The following BFSP1 variants were observed in gnomAD, a reference collection of about 807,000 sequenced individuals.
BFSP1 encodes beaded filament structural protein 1.
A neutral mutation model predicts 43.9 loss-of-function variants in BFSP1; 38 were observed. The ratio of observed to expected loss-of-function variants is 0.87; its 90% CI spans 0.67 to 1.14. The LOEUF (loss-of-function observed/expected upper bound fraction) is 1.14. BFSP1 is among the 50% of genes most tolerant of loss of function. BFSP1 has a pLI of 0.00. For missense variants in BFSP1, 850 were observed against 875.1 expected (o/e 0.97, Z 0.36); for synonymous variants, 352 against 354.8 (o/e 0.99, Z 0.09).
At chr20:17,566,049 C>T (rs547371374) in intron 1 of BFSP1, among the ~76,000 whole-genome samples, 276 of 134,074 alleles carry the variant, frequency 2.1e-3, no homozygotes, top group African/African-American at 7.1e-3. Flanking sequence ...ACTCAGGAGG[C>T]GGAGGTTGCA....
At chr20:17,496,747 C>T (rs1252243844) in intron 7 of BFSP1, among the ~76,000 whole-genome samples, 191 bp downstream of exon 7, 1 of 152,180 alleles carries the variant, frequency 6.6e-6, no homozygotes, top group Non-Finnish European at 1.5e-5. Flanking sequence ...GATTTTTCTC[C>T]TTATAAACTT....
At chr20:17,509,522 T>C (rs1044794020) in intron 4 of BFSP1, among the ~76,000 whole-genome samples, 3 of 152,178 alleles carry the variant, frequency 2.0e-5, no homozygotes, top group Admixed American at 1.3e-4. Flanking sequence ...GAGTGTGACA[T>C]GCCGGGACCA....
rs189653953 is a variant in BFSP1 at position 17,546,694 on chromosome 20, A to G, written c.2+11994T>C. On this transcript the variant is annotated intron_variant, in intron 1 of 7. Coordinates refer to the BFSP1 transcript ENST00000377868. ...ATTCCAGCCTGGGCAACAGAGTGAG[A>G]CTCCATTTAAAAAACAAAAAAAACA... is the stretch of plus-strand genomic sequence containing the variant. Among the ~76,000 whole-genome samples, 570 of 151,372 alleles carry G rather than the reference A, an allele frequency of 3.8e-3. 1 individual carries two copies. The highest frequency in any genetic ancestry group is 0.013 in the African/African-American group (537 of 41,190).
Position 17,495,805 on chromosome 20 carries a change from T to C in BFSP1, c.1043-776A>G, listed in dbSNP as rs2033617869. Among the ~76,000 whole-genome samples, 3 of 152,198 alleles carry C rather than the reference T, an allele frequency of 2.0e-5. No individual in the cohort carries two copies. In the South Asian group the frequency reaches 6.2e-4, roughly 31 times the overall value. On this transcript the variant is annotated intron_variant, in intron 7 of 7. Coordinates refer to ENST00000377873, the MANE Select transcript of BFSP1 (RefSeq NM_001195.5). ...CACCCACATAGTGAATTTTGAACTTTTTCAGCCCAAAAGTCATCCCCTGCA... is the reference window on the plus strand; with the variant it reads ...CACCCACATAGTGAATTTTGAACTTCTTCAGCCCAAAAGTCATCCCCTGCA...
intron 2 of BFSP1, among the ~76,000 whole-genome samples, chr20:17,520,079 G>C (rs1336893990): frequency 6.6e-6 from 1 of 152,184 alleles, no homozygotes; most frequent in East Asian, 1.9e-4. Flanking sequence ...ATCTAGACCA[G>C]TGGTCCTCAA....
At chr20:17,549,362 G>A (rs1452381162) in intron 1 of BFSP1, among the ~76,000 whole-genome samples, 1 of 152,204 alleles carries the variant, frequency 6.6e-6, no homozygotes, top group Non-Finnish European at 1.5e-5. Context: ...AGCATGGCAG[G>A]TTCTGCTTCT....
chr20:17,566,027 A>G (rs2035114619), intron 1 of BFSP1, among the ~76,000 whole-genome samples: 1 of 151,414 alleles, frequency 6.6e-6, no homozygotes, highest in African/African-American at 2.4e-5. Flanking sequence ...CTGAGGCAAG[A>G]TAATCGCTTG....
intron 6 of BFSP1, among the ~76,000 whole-genome samples, chr20:17,497,441 CGTGTAT>C (rs1568678960): frequency 5.7e-5 from 4 of 70,216 alleles, no homozygotes; most frequent in Admixed American, 1.6e-4. Context: ...TGTATATATA[CGTGTAT>C]GTATATATAT....
At chr20:17,558,994 G>T, upstream of BFSP1, 1 of 313,320 alleles carries the variant, frequency 3.2e-6, no homozygotes. Flanking sequence ...GACTGGGCCT[G>T]AATTTAGTGA....
intron 1 of BFSP1, among the ~76,000 whole-genome samples, chr20:17,527,544 G>A (rs758359921): frequency 1.1e-4 from 17 of 152,212 alleles, no homozygotes; most frequent in East Asian, 7.7e-4. Flanking sequence ...TGGCTAACAC[G>A]GTGAAACCCT....
chr20:17,558,553 T>G (rs1399894611), intron 1 of BFSP1: 2 of 924,156 alleles, frequency 2.2e-6, no homozygotes, highest in Non-Finnish European at 3.2e-6. Flanking sequence ...TTTAGAAATT[T>G]CCATGAGTCA....
At chr20:17,524,821 G>C (rs368252118) in intron 2 of BFSP1, 27 bp downstream of exon 2, 2 of 1,610,186 alleles carry the variant, frequency 1.2e-6, no homozygotes, top group South Asian at 2.2e-5. Flanking sequence ...ATTAAGCTAC[G>C]TAAACCCAAG....
upstream of BFSP1, among the ~76,000 whole-genome samples, chr20:17,562,782 C>T (rs1224965503): frequency 3.3e-5 from 5 of 152,160 alleles, no homozygotes; most frequent in Non-Finnish European, 7.4e-5. Flanking sequence ...GGTACTGTAT[C>T]CTTCCCACAA....
At chr20:17,504,276 A>G (rs1431534088) in intron 5 of BFSP1, among the ~76,000 whole-genome samples, 1 of 152,194 alleles carries the variant, frequency 6.6e-6, no homozygotes, top group Non-Finnish European at 1.5e-5. Flanking sequence ...GGTTTATAAA[A>G]GTGGACTGAT....
intron 1 of BFSP1, among the ~76,000 whole-genome samples, chr20:17,557,801 C>T (rs2035017833): frequency 6.6e-6 from 1 of 152,158 alleles, no homozygotes; most frequent in Non-Finnish European, 1.5e-5. Flanking sequence ...AGTCACGCTG[C>T]TCTGTTAATA....
rs529905858 is a variant in BFSP1, at chr20:17,507,138, G to A, written c.735+1751C>T. ...AGAGAGGAACATTCTTTTTGTCCTG[G>A]AACTGGAATTTGCCATCTAGGCTGG... On this transcript the variant is annotated intron_variant, in intron 5 of 7. Coordinates refer to ENST00000377873, the MANE Select transcript of BFSP1 (RefSeq NM_001195.5). The surrounding 1 kb of genome is among the most constrained non-coding windows in gnomAD (Gnocchi z 4.4). 6.6e-6 allele frequency: 1 copy of A among 152,106 alleles called. No individual in the cohort carries two copies. The highest frequency in any genetic ancestry group is 1.5e-5 in the Non-Finnish European group (1 of 68,026). The allele number at this position is 152,106 out of a possible 1,614,324, so 9.4% of individuals were successfully genotyped here.
upstream of BFSP1, among the ~76,000 whole-genome samples, chr20:17,532,428 G>GA (rs200752400): frequency 6.8e-6 from 1 of 147,738 alleles, no homozygotes; most frequent in Non-Finnish European, 1.5e-5. Context: ...AAAAGAAAAA[G>GA]AAAAAAAGAT....
chr20:17,501,755 C>T (rs945033872), intron 5 of BFSP1, among the ~76,000 whole-genome samples: 7 of 152,212 alleles, frequency 4.6e-5, no homozygotes, highest in South Asian at 4.1e-4. Context: ...TCCAAAGGCA[C>T]GGTCCCAGCA....
intron 1 of BFSP1, among the ~76,000 whole-genome samples, chr20:17,542,653 G>A (rs115915816): frequency 8.9e-4 from 135 of 152,130 alleles, no homozygotes; most frequent in African/African-American, 3.1e-3. Context: ...CATTACCTAT[G>A]AATAATACCA....
Sources: gnomAD v4.1 joint callset for allele counts (sites outside exome capture counted in the v4.1 genomes callset) on GRCh38, gnomAD v4.1.1 for gene constraint, Gnocchi (gnomAD v3.1) non-coding constraint, MANE v1.5 for transcripts, NCBI Gene and HGNC (gene_info 2026-07-23, HGNC 2026-07-21) for gene names.